Variants in CCDC141 observed in about 807,000 individuals in gnomAD.
CCDC141 encodes the protein coiled-coil domain-containing protein 141.
Under a neutral mutation model 181.0 loss-of-function variants are expected in CCDC141, and 168 were observed. That is an observed-to-expected ratio of 0.93 (90% CI 0.82 to 1.05). CCDC141 has a LOEUF of 1.05. Ranked by LOEUF, CCDC141 falls within the 50% of genes least tolerant of loss-of-function variation. CCDC141 has a pLI of 0.00. For synonymous variants in CCDC141, 666 were observed against 642.3 expected (o/e 1.04, Z -0.56); for missense variants, 1,902 against 1,788.5 (o/e 1.06, Z -1.14).
At chr2:178,970,160 T>C (rs1036069512) in intron 4 of CCDC141, among the ~76,000 whole-genome samples, 1 of 152,164 alleles carries the variant, frequency 6.6e-6, no homozygotes, top group African/African-American at 2.4e-5. Flanking sequence ...TGCTCACGGA[T>C]AGGAAGAATC....
In CCDC141 at chr2:178,993,874, T is replaced by C. The variant is rs1195111221; in HGVS notation, c.226-15199A>G. ...CTACAGGCCCCATGAAAGTCCGAAA[T>C]CTAGCAGAGTAGTCAAATCTTAAAG... On this transcript the variant is annotated intron_variant, in intron 2 of 23. Coordinates refer to ENST00000443758, the MANE Select transcript of CCDC141 (RefSeq NM_173648.4). Among the ~76,000 whole-genome samples the C allele has an allele frequency of 5.3e-5, 8 of 152,172 alleles. 1 individual carries two copies. Among genetic ancestry groups the C allele is most frequent in the Non-Finnish European group, 1.2e-4 (8 of 68,028 alleles).
chr2:178,905,561 G>A (rs1350836825), intron 7 of CCDC141, 60 bp from the exon 8 acceptor site: 3 of 1,417,774 alleles, frequency 2.1e-6, no homozygotes, highest in Non-Finnish European at 1.9e-6. Flanking sequence ...ACATCAACGT[G>A]TACACAAAAC....
chr2:178,867,372 G>C (rs894423193), intron 16 of CCDC141, among the ~76,000 whole-genome samples: 3 of 152,116 alleles, frequency 2.0e-5, no homozygotes, highest in Non-Finnish European at 4.4e-5. Flanking sequence ...TAAAAAGATA[G>C]AGCAAAATTA....
chr2:178,987,088 C>CAA (rs1691787672), intron 2 of CCDC141, among the ~76,000 whole-genome samples: 2 of 144,886 alleles, frequency 1.4e-5, no homozygotes, highest in Admixed American at 7.0e-5. Flanking sequence ...CTACAGTAAC[C>CAA]AAAACAGCAT....
intron 11 of CCDC141, among the ~76,000 whole-genome samples, chr2:178,882,582 A>AT (rs538458666): frequency 1.5e-4 from 23 of 149,654 alleles, no homozygotes; most frequent in Middle Eastern, 3.4e-3. Flanking sequence ...CAATGGCTTC[A>AT]TTTTTTTTTT....
At chr2:178,936,361 C>T (rs1365044599) in intron 6 of CCDC141, among the ~76,000 whole-genome samples, 1 of 152,044 alleles carries the variant, frequency 6.6e-6, no homozygotes, top group African/African-American at 2.4e-5. Flanking sequence ...GAGTCTTTAC[C>T]CTATCACTTG....
intron 19 of CCDC141, among the ~76,000 whole-genome samples, chr2:178,854,674 T>G (rs1575132674): frequency 6.6e-6 from 1 of 152,336 alleles, no homozygotes; most frequent in East Asian, 1.9e-4. Context: ...TTATACATCA[T>G]ATGTAGAAGA....
intron 11 of CCDC141, among the ~76,000 whole-genome samples, chr2:178,883,231 C>T (rs1686711275): frequency 6.6e-6 from 1 of 152,094 alleles, no homozygotes; most frequent in Non-Finnish European, 1.5e-5. Context: ...CAAGATAATT[C>T]TGTCAGTTGG....
chr2:178,888,473 C>A, intron 9 of CCDC141, 54 bp downstream of exon 9: 2 of 1,507,126 alleles, frequency 1.3e-6, no homozygotes, highest in South Asian at 2.4e-5. Context: ...ACTGCCCTAC[C>A]ATATCATCTA....
At chr2:179,034,402 G>A (rs2043082212) in intron 2 of CCDC141, among the ~76,000 whole-genome samples, 1 of 152,138 alleles carries the variant, frequency 6.6e-6, no homozygotes, top group Non-Finnish European at 1.5e-5. Context: ...TAGGGTGCTA[G>A]GCTGAATACT....
At chr2:178,850,832 C>T (rs982320084) in intron 20 of CCDC141, among the ~76,000 whole-genome samples, 8 of 152,230 alleles carry the variant, frequency 5.3e-5, no homozygotes, top group African/African-American at 1.9e-4. Flanking sequence ...TGCCTAAGCA[C>T]TGTATAACCA....
chr2:178,927,935 T>C (rs957731788), intron 6 of CCDC141, among the ~76,000 whole-genome samples: 1 of 152,122 alleles, frequency 6.6e-6, no homozygotes, highest in Non-Finnish European at 1.5e-5. Context: ...CCTGGCTCCA[T>C]AGTGGTTGAG....
At chr2:178,897,150 A>AT (rs1252703506) in intron 8 of CCDC141, among the ~76,000 whole-genome samples, 7 of 151,738 alleles carry the variant, frequency 4.6e-5, no homozygotes, top group Admixed American at 1.3e-4. Flanking sequence ...TCCCTTTTAT[A>AT]TTTTTTCATA....
At chr2:178,955,502 T>C (rs1690122216) in intron 5 of CCDC141, among the ~76,000 whole-genome samples, 1 of 152,154 alleles carries the variant, frequency 6.6e-6, no homozygotes, top group Non-Finnish European at 1.5e-5. Flanking sequence ...TATATTCAAA[T>C]AGCAGAATAC....
intron 2 of CCDC141, among the ~76,000 whole-genome samples, chr2:178,993,720 G>T (rs4334528): frequency 0.041 from 6,200 of 152,256 alleles, 398 homozygotes; most frequent in East Asian, 0.2. Flanking sequence ...TCCAAGACAA[G>T]GTGAGTCCCT....
chr2:178,976,946 C>T (rs888590544), intron 3 of CCDC141, among the ~76,000 whole-genome samples: 3 of 152,112 alleles, frequency 2.0e-5, no homozygotes, highest in Non-Finnish European at 4.4e-5. Flanking sequence ...CAATGCTTTA[C>T]TCAGAAAAAG....
At chr2:178,866,676 G>C (rs187845268) in intron 16 of CCDC141, among the ~76,000 whole-genome samples, 1 of 151,960 alleles carries the variant, frequency 6.6e-6, no homozygotes, top group East Asian at 1.9e-4. Flanking sequence ...ATCTGGAAAA[G>C]GATTTTTTTG....
rs78129470 is a variant in CCDC141 at position 178,838,346 on chromosome 2, G to A, written c.3475-602C>T. On this transcript the variant is annotated intron_variant, in intron 22 of 23. Transcript: ENST00000443758. ...TAACTATCACTGCCATCCATCTCCA[G>A]AACTTTTTCATCTTTCCAATTGAAA... Among the ~76,000 whole-genome samples, 714 of 152,248 alleles carry A rather than the reference G, an allele frequency of 4.7e-3. 9 individuals carry two copies. Among genetic ancestry groups the A allele is most frequent in the African/African-American group, 0.017 (687 of 41,554 alleles).
rs1393804993 is a variant in CCDC141, at chr2:178,836,986, G to T, written c.4233C>A (p.Phe1411Leu). 6.2e-7 allele frequency: 1 copy of T among 1,613,952 alleles called. No individual in the cohort carries two copies. The highest frequency in any genetic ancestry group is 8.5e-7 in the Non-Finnish European group (1 of 1,179,958). ...VVSLADQAPN[F>L]SRLLSNVTVM... ...CAGTTACATTAGACAGGAGCCTGGA[G>T]AAATTAGGTGCCTGGTCAGCTAGGC... The change falls in exon 23 of 24, where the codon TTC (phenylalanine) becomes TTA (leucine). Residue 1411 changes from phenylalanine to leucine, a missense_variant. Physicochemically the swap from Phe to Leu is conservative, Grantham distance 22 (BLOSUM62 0). Coordinates refer to ENST00000443758, the MANE Select transcript of CCDC141 (RefSeq NM_173648.4).
Sources: allele counts gnomAD v4.1 joint callset (sites outside exome capture counted in the v4.1 genomes callset), GRCh38; gene constraint gnomAD v4.1.1; transcripts MANE v1.5; gene names NCBI Gene and HGNC (gene_info 2026-07-23, HGNC 2026-07-21).